Variants in SCN9A observed in about 807,000 individuals in gnomAD.
SCN9A encodes the protein sodium channel protein type 9 subunit alpha.
A neutral mutation model predicts 187.0 loss-of-function variants in SCN9A; 131 were observed. The observed-to-expected ratio is 0.70, with a 90% CI of 0.61 to 0.81. SCN9A has a LOEUF of 0.81. SCN9A is among the 30% of genes least tolerant of loss of function. SCN9A has a pLI of 0.00. For missense variants in SCN9A, 2,252 were observed against 2,396.6 expected (o/e 0.94, Z 1.26); for synonymous variants, 809 against 808.6 (o/e 1.00, Z -0.01).
intron 18 of SCN9A, among the ~76,000 whole-genome samples, chr2:166,247,276 G>A (rs898457703): frequency 6.7e-6 from 1 of 149,638 alleles, no homozygotes; most frequent in African/African-American, 2.5e-5. Flanking sequence ...TTTAAAAATT[G>A]ATTATGAAAA....
chr2:166,338,560 C>G (rs1314550462), intron 1 of SCN9A, among the ~76,000 whole-genome samples: 1 of 152,066 alleles, frequency 6.6e-6, no homozygotes, highest in African/African-American at 2.4e-5. Flanking sequence ...GTACCCCCTG[C>G]CCCACTTCCT....
chr2:166,303,549 C>T (rs1698651756), intron 6 of SCN9A, among the ~76,000 whole-genome samples: 1 of 152,080 alleles, frequency 6.6e-6, no homozygotes, highest in African/African-American at 2.4e-5. Flanking sequence ...TTTGGCTATT[C>T]AAACCACTTT....
In SCN9A at chr2:166,218,681, A is replaced by G. The variant is rs148273128; in HGVS notation, c.4398+7886T>C. Among the ~76,000 whole-genome samples the G allele has an allele frequency of 1.0e-3, 157 of 152,244 alleles. 5 individuals carry two copies. The East Asian group carries it at 0.028, about 27-fold the overall frequency. ...TGGGCAAAGATTTCATGATGAAGACACCAAAAGCAACTGCAACAAAAACAA... is the reference window on the plus strand; with the variant it reads ...TGGGCAAAGATTTCATGATGAAGACGCCAAAAGCAACTGCAACAAAAACAA... On this transcript the variant is annotated intron_variant, in intron 24 of 26. Transcript: ENST00000642356.
At chr2:166,237,570 A>C (rs144333343) in intron 20 of SCN9A, among the ~76,000 whole-genome samples, 1,880 of 152,244 alleles carry the variant, frequency 0.012, 37 homozygotes, top group African/African-American at 0.041. Context: ...ATATTTTAAA[A>C]TTTCATGACT....
At chr2:166,362,519 A>C (rs1700309537) in intron 1 of SCN9A, among the ~76,000 whole-genome samples, 2 of 151,922 alleles carry the variant, frequency 1.3e-5, no homozygotes, top group Admixed American at 1.3e-4. Context: ...AATTTTCAGA[A>C]CCTCACAGAT....
rs1693366373 is a variant in SCN9A, at chr2:166,199,340, T to G, written c.5299A>C (p.Thr1767Pro). Residue 1767 changes from threonine to proline, a missense_variant, in exon 27 of 27, where the codon ACT becomes CCT. Coordinates refer to ENST00000642356, the MANE Select transcript of SCN9A (RefSeq NM_001365536.1). ...CTCAGAGGTTCAGTACTTTCTTCAG[T>G]GGCAACACTAAAATTCTCCAGTATG... ...AVILENFSVA[T>P]EESTEPLSED... 6.2e-7 allele frequency: 1 copy of G among 1,614,092 alleles called. No homozygotes were observed. Among genetic ancestry groups the G allele is most frequent in the South Asian group, 1.1e-5 (1 of 91,088 alleles).
intron 1 of SCN9A, among the ~76,000 whole-genome samples, chr2:166,346,395 C>A (rs1699901672): frequency 6.6e-6 from 1 of 152,108 alleles, no homozygotes. Context: ...AGCCTGAATA[C>A]CTTTTATTTA....
intron 17 of SCN9A, among the ~76,000 whole-genome samples, chr2:166,260,782 TAAAAG>T (rs1696473238): frequency 6.6e-6 from 1 of 151,794 alleles, no homozygotes; most frequent in African/African-American, 2.4e-5. Context: ...TATGCACAAA[TAAAAG>T]AAATGAATAA....
At chr2:166,207,591 C>A (rs535885862) in intron 24 of SCN9A, among the ~76,000 whole-genome samples, 1 of 152,146 alleles carries the variant, frequency 6.6e-6, no homozygotes, top group Non-Finnish European at 1.5e-5. Flanking sequence ...CAGGTGCATG[C>A]CACCACATCA....
At chr2:166,208,217 T>C (rs1157199091) in intron 24 of SCN9A, among the ~76,000 whole-genome samples, 3 of 152,190 alleles carry the variant, frequency 2.0e-5, no homozygotes, top group Admixed American at 1.3e-4. Context: ...CTGTATTACA[T>C]AGTAATAAAG....
At chr2:166,214,416 CCTT>C (rs1445860295) in intron 24 of SCN9A, among the ~76,000 whole-genome samples, 1 of 152,012 alleles carries the variant, frequency 6.6e-6, no homozygotes, top group Admixed American at 6.5e-5. Context: ...GAAGAATAAA[CCTT>C]CTTCAGCCTA....
In SCN9A at chr2:166,199,401, T is replaced by C. The variant is rs770424172; in HGVS notation, c.5238A>G (p.Ile1746Met). 1 of 1,614,188 alleles carries C rather than the reference T, an allele frequency of 6.2e-7. No individual in the cohort carries two copies. Among genetic ancestry groups the C allele is most frequent in the Non-Finnish European group, 8.5e-7 (1 of 1,180,034 alleles). Residue 1746 changes from isoleucine to methionine, a missense_variant, in exon 27 of 27, where the codon ATA becomes ATG. Ile to Met is a conservative substitution (Grantham distance 10). Around this residue, in one of 7 missense-constraint regions of SCN9A, gnomAD observed 345 missense variants for 344.6 expected, o/e 1.00. Coordinates refer to ENST00000642356, the MANE Select transcript of SCN9A (RefSeq NM_001365536.1). ...ACATGTTCACCACAACCAGGAAGGA[T>C]ATGATGATATAACTAACAAAGTAGA... is the stretch of plus-strand genomic sequence containing the variant. ...GIFYFVSYII[I>M]SFLVVVNMYI...
In SCN9A at chr2:166,238,223, A is replaced by G; in HGVS notation, c.3672T>C (p.Ile1224=). 1 of 1,599,192 alleles carries G rather than the reference A, an allele frequency of 6.3e-7. No homozygotes were observed. The highest frequency in any genetic ancestry group is 8.5e-7 in the Non-Finnish European group (1 of 1,172,346). ...IYIERKKTIK[I]ILEYADKIFT... ...AGATCTTGTCTGCATACTCCAGGAT[A>G]ATCTTAATGGTCTTTTTCCTTTCAA... Residue 1224 remains isoleucine, a synonymous_variant, in exon 20 of 27, where the codon ATT becomes ATC. Coordinates refer to ENST00000642356, the MANE Select transcript of SCN9A (RefSeq NM_001365536.1).
intron 1 of SCN9A, among the ~76,000 whole-genome samples, chr2:166,350,842 G>A (rs1700016989): frequency 6.6e-6 from 1 of 152,150 alleles, no homozygotes; most frequent in South Asian, 2.1e-4. Context: ...ATTAAAATGT[G>A]AAGGGCAGTA....
At chr2:166,325,923 T>C (rs1699352159) in intron 1 of SCN9A, among the ~76,000 whole-genome samples, 1 of 152,160 alleles carries the variant, frequency 6.6e-6, no homozygotes, top group African/African-American at 2.4e-5. Context: ...TACTCTCCTA[T>C]GTTCGATAAC....
chr2:166,280,081 T>C (rs1302796318), intron 14 of SCN9A, among the ~76,000 whole-genome samples: 1 of 152,124 alleles, frequency 6.6e-6, no homozygotes, highest in Non-Finnish European at 1.5e-5. Flanking sequence ...TAAGTGTTGC[T>C]CCCAAGAAAT....
chr2:166,286,771 T>C (rs1697768893), intron 10 of SCN9A, 148 bp from the exon 11 acceptor site: 1 of 549,130 alleles, frequency 1.8e-6, no homozygotes, highest in Non-Finnish European at 2.9e-6. Flanking sequence ...CTTTACACAA[T>C]GATCAGAATG....
intron 1 of SCN9A, among the ~76,000 whole-genome samples, chr2:166,315,275 C>T (rs36101458): frequency 0.63 from 96,471 of 151,944 alleles, 31,250 homozygotes; most frequent in African/African-American, 0.74. Flanking sequence ...GGTACCATCT[C>T]TTTCAAGAAT....
At chr2:166,290,542 A>G (rs1309738452) in intron 9 of SCN9A, among the ~76,000 whole-genome samples, 1 of 152,144 alleles carries the variant, frequency 6.6e-6, no homozygotes, top group East Asian at 1.9e-4. Flanking sequence ...AACAGTGTAA[A>G]AGTGCTACTA....
Sources: gnomAD v4.1 joint callset for allele counts (sites outside exome capture counted in the v4.1 genomes callset) on GRCh38, gnomAD v4.1.1 for gene constraint, gnomAD v4.1.1 regional missense constraint, MANE v1.5 for transcripts, NCBI Gene and HGNC (gene_info 2026-07-23, HGNC 2026-07-21) for gene names.